ACAP2: variants seen among roughly 807,000 people sequenced by gnomAD.
ACAP2 encodes arf-GAP with coiled-coil, ANK repeat and PH domain-containing protein 2.
ACAP2 carries 39 observed loss-of-function variants against 115.8 expected under a neutral mutation model. The observed-to-expected ratio is 0.34, with a 90% CI of 0.26 to 0.44. ACAP2 has a LOEUF of 0.44. Among genes scored for constraint, ACAP2 ranks in the 20% least tolerant of loss-of-function variants. ACAP2 has a pLI of 1.00. For synonymous variants in ACAP2, 289 were observed against 315.8 expected (o/e 0.92, Z 0.90); for missense variants, 662 against 927.6 (o/e 0.71, Z 3.72).
At chr3:195,361,562 C>T (rs908896159) in intron 4 of ACAP2, among the ~76,000 whole-genome samples, 3 of 151,802 alleles carry the variant, frequency 2.0e-5, no homozygotes, top group Admixed American at 6.6e-5. Context: ...GCTAAGAGTG[C>T]CTACATCAAA....
At chr3:195,368,278 T>G (rs1732871257) in intron 4 of ACAP2, among the ~76,000 whole-genome samples, 1 of 152,102 alleles carries the variant, frequency 6.6e-6, no homozygotes, top group Non-Finnish European at 1.5e-5. Flanking sequence ...GCCTCCCAAG[T>G]AGCTGGGATT....
chr3:195,332,987 C>G (rs777264409), intron 8 of ACAP2, 41 bp downstream of exon 8: 3 of 1,421,176 alleles, frequency 2.1e-6, no homozygotes, highest in Non-Finnish European at 2.9e-6. Flanking sequence ...ATACAAATAC[C>G]AATGTATAAA....
intron 8 of ACAP2, among the ~76,000 whole-genome samples, chr3:195,327,286 G>A (rs1340932607): frequency 1.3e-5 from 2 of 152,134 alleles, no homozygotes; most frequent in Non-Finnish European, 2.9e-5. Context: ...TTAGGCTCCT[G>A]CTGACCCACT....
chr3:195,361,519 A>G (rs991994975), intron 4 of ACAP2, among the ~76,000 whole-genome samples: 26 of 152,110 alleles, frequency 1.7e-4, no homozygotes, highest in Admixed American at 3.9e-4. Flanking sequence ...TGTATGGGAT[A>G]TAGTAAAAGC....
chr3:195,372,603 C>T (rs1733229871), intron 4 of ACAP2, among the ~76,000 whole-genome samples: 1 of 152,264 alleles, frequency 6.6e-6, no homozygotes, highest in East Asian at 1.9e-4. Flanking sequence ...AAGAACATCA[C>T]TTGAGCTCAG....
chr3:195,426,045 A>T (rs1714661628), intron 1 of ACAP2, among the ~76,000 whole-genome samples: 1 of 152,164 alleles, frequency 6.6e-6, no homozygotes, highest in Non-Finnish European at 1.5e-5. Context: ...TATTGCACTA[A>T]CCATAACATC....
At chr3:195,390,014 G>A (rs544227430) in intron 2 of ACAP2, among the ~76,000 whole-genome samples, 25 of 152,278 alleles carry the variant, frequency 1.6e-4, no homozygotes, top group African/African-American at 6.0e-4. Context: ...TGGCCAACAC[G>A]GTGAAATCCC....
chr3:195,288,944 A>G (rs953742529), intron 21 of ACAP2, among the ~76,000 whole-genome samples, 177 bp downstream of exon 21: 3 of 152,356 alleles, frequency 2.0e-5, no homozygotes, highest in African/African-American at 7.2e-5. Flanking sequence ...GAGATGATTT[A>G]AAGTACATGG....
At chr3:195,352,421 A>G (rs1731675375) in intron 4 of ACAP2, among the ~76,000 whole-genome samples, 4 of 152,216 alleles carry the variant, frequency 2.6e-5, no homozygotes, top group Admixed American at 6.5e-5. Flanking sequence ...AAGAAATTAA[A>G]TATTTCCTTA....
chr3:195,358,094 A>G (rs1286186340), intron 4 of ACAP2, among the ~76,000 whole-genome samples: 1 of 152,178 alleles, frequency 6.6e-6, no homozygotes, highest in Non-Finnish European at 1.5e-5. Context: ...GTGGGGACAC[A>G]AAGCCTAACC....
intron 8 of ACAP2, among the ~76,000 whole-genome samples, chr3:195,329,518 T>C (rs2050806): frequency 0.31 from 47,119 of 152,016 alleles, 8,426 homozygotes; most frequent in East Asian, 0.82. Context: ...TTAATAAAAC[T>C]GCTAACCCAT....
intron 16 of ACAP2, among the ~76,000 whole-genome samples, chr3:195,296,156 A>C (rs1264833240): frequency 6.6e-6 from 1 of 151,990 alleles, no homozygotes; most frequent in African/African-American, 2.4e-5. Flanking sequence ...CCTTCTCTTA[A>C]TTTCTGTGCT....
chr3:195,353,071 C>T (rs1731717125), intron 4 of ACAP2, among the ~76,000 whole-genome samples: 1 of 138,586 alleles, frequency 7.2e-6, no homozygotes, highest in Non-Finnish European at 1.5e-5. Context: ...CAGAGTGAGA[C>T]TCTGTCTTTA....
rs143590685 is a variant in ACAP2 at position 195,367,100 on chromosome 3, G to A, written c.285+13909C>T. Among the ~76,000 whole-genome samples, 281 of 145,742 alleles carry A rather than the reference G, an allele frequency of 1.9e-3. 1 individual carries two copies. Among genetic ancestry groups the A allele is most frequent in the African/African-American group, 6.7e-3 (264 of 39,518 alleles). On this transcript the variant is annotated intron_variant, in intron 4 of 22. Coordinates refer to ENST00000326793, the MANE Select transcript of ACAP2 (RefSeq NM_012287.6). Reference sequence around the variant, plus strand: ...CAATGGGCTGGATATGGCCTGCAACGCATGGTTTGCCAAACTGTGCTCTCA... The same window carrying A: ...CAATGGGCTGGATATGGCCTGCAACACATGGTTTGCCAAACTGTGCTCTCA...
intron 1 of ACAP2, among the ~76,000 whole-genome samples, chr3:195,398,175 G>A (rs1368490058): frequency 1.3e-5 from 2 of 152,014 alleles, no homozygotes; most frequent in African/African-American, 4.8e-5. Flanking sequence ...AATCCACTTG[G>A]TTTCTAAGGT....
chr3:195,430,647 A>G (rs541085865), intron 1 of ACAP2, among the ~76,000 whole-genome samples: 1 of 152,176 alleles, frequency 6.6e-6, no homozygotes, highest in South Asian at 2.1e-4. Flanking sequence ...CCCGGGAGGC[A>G]GAGGTTGCAG....
rs1385456592 is a variant in ACAP2 at position 195,279,153 on chromosome 3, CCTA to C, written c.*172_*174del. Reference sequence around the variant, plus strand: ...AAGAGGTCCTAAACTAGGTTCCTCTCCTACTACTAGATAACTATGTTTTAATTT... The same window carrying C: ...AAGAGGTCCTAAACTAGGTTCCTCTCCTACTAGATAACTATGTTTTAATTT... On this transcript the variant is annotated 3_prime_UTR_variant, in exon 23 of 23. Transcript: ENST00000326793. 1 of 488,750 alleles carries C rather than the reference CCTA, an allele frequency of 2.0e-6. No individual in the cohort carries two copies. Among genetic ancestry groups the C allele is most frequent in the Non-Finnish European group, 3.6e-6 (1 of 281,340 alleles). 30.3% of individuals were successfully genotyped at this position (488,750 alleles called of 1,614,324 possible).
chr3:195,378,240 C>T (rs998532007), intron 4 of ACAP2, among the ~76,000 whole-genome samples: 2 of 152,202 alleles, frequency 1.3e-5, no homozygotes, highest in African/African-American at 4.8e-5. Flanking sequence ...CGCCTGTAAT[C>T]CCAGCACTTT....
chr3:195,357,649 C>G (rs920107884), intron 4 of ACAP2: 1 of 152,232 alleles, frequency 6.6e-6, no homozygotes, highest in Non-Finnish European at 1.5e-5. Context: ...AGAGACTGCA[C>G]TCATTTTGGA....
Sources: allele counts gnomAD v4.1 joint callset (sites outside exome capture counted in the v4.1 genomes callset), GRCh38; gene constraint gnomAD v4.1.1; transcripts MANE v1.5; gene names NCBI Gene and HGNC (gene_info 2026-07-23, HGNC 2026-07-21).